CRYGN: variants seen among roughly 807,000 people sequenced by gnomAD.
CRYGN encodes the protein gamma-crystallin N.
Under a neutral mutation model 19.2 loss-of-function variants are expected in CRYGN, and 17 were observed. That is an observed-to-expected ratio of 0.89 (90% CI 0.61 to 1.33). The LOEUF (loss-of-function observed/expected upper bound fraction) is 1.33, where lower values mean the gene tolerates loss of function less well. CRYGN is among the 40% of genes most tolerant of loss of function. CRYGN has a pLI of 0.00. For synonymous variants in CRYGN, 84 were observed against 85.8 expected (o/e 0.98, Z 0.12); for missense variants, 239 against 239.6 (o/e 1.00, Z 0.02).
At chr7:151,437,916 T>C (rs1196593845) in intron 2 of CRYGN, 80 bp downstream of exon 2, 6 of 1,599,748 alleles carry the variant, frequency 3.8e-6, no homozygotes, top group Non-Finnish European at 4.2e-6. Context: ...CGCTCCCCGA[T>C]TCCTTGCCAC....
rs1344452527 is a variant in CRYGN, at chr7:151,430,794, G to A, written c.417-614C>T. ...AGAAAACTGGAGTAAGATGTATGGT[G>A]AGGAGGACCCGGGAACTGAGAGGCC... On this transcript the variant is annotated intron_variant, in intron 3 of 3. Transcript: ENST00000337323. The surrounding 1 kb of genome is among the most constrained non-coding windows in gnomAD (Gnocchi z 5.2). Among the ~76,000 whole-genome samples, 1 of 152,226 alleles carries A rather than the reference G, an allele frequency of 6.6e-6. No homozygotes were observed. Among genetic ancestry groups the A allele is most frequent in the Non-Finnish European group, 1.5e-5 (1 of 68,042 alleles).
rs1222861280 is a variant in CRYGN, at chr7:151,433,259, G to A, written c.416+2921C>T. On this transcript the variant is annotated intron_variant, in intron 3 of 3. Coordinates refer to ENST00000337323, the MANE Select transcript of CRYGN (RefSeq NM_144727.3). This position sits in a 1 kb window ranked among gnomAD's most constrained non-coding sequence, Gnocchi z 5.1. The stretch of plus-strand genomic sequence containing the variant: ...AGCTCTTCATCACCCAGGAAGCTGT[G>A]GGCCCGGCCCAGAAAAGCAGGAAGG... 2.0e-5 allele frequency among the ~76,000 whole-genome samples: 3 copies of A among 152,230 alleles called. No homozygotes were observed. The highest frequency in any genetic ancestry group is 4.8e-5 in the African/African-American group (2 of 41,460).
intron 3 of CRYGN, among the ~76,000 whole-genome samples, chr7:151,432,541 C>T (rs1475033518): frequency 2.6e-5 from 4 of 152,188 alleles, no homozygotes; most frequent in East Asian, 3.9e-4. Context: ...TGGGGGCTCA[C>T]GCCTGTAATC....
At chr7:151,432,388 G>T (rs966868227) in intron 3 of CRYGN, 1 of 582,440 alleles carries the variant, frequency 1.7e-6, no homozygotes, top group Non-Finnish European at 2.5e-6. Flanking sequence ...CCTCCCGGTC[G>T]AGCGGCCCCT....
intron 1 of CRYGN, among the ~76,000 whole-genome samples, chr7:151,439,609 C>T (rs563743027): frequency 3.4e-4 from 52 of 152,234 alleles, no homozygotes; most frequent in African/African-American, 1.2e-3. Flanking sequence ...CAAGCCAAGC[C>T]TCCCCCACCC....
intron 1 of CRYGN, among the ~76,000 whole-genome samples, chr7:151,439,610 T>C (rs1293805247): frequency 6.6e-6 from 1 of 151,604 alleles, no homozygotes; most frequent in Non-Finnish European, 1.5e-5. Flanking sequence ...AAGCCAAGCC[T>C]CCCCCACCCC....
At chr7:151,434,493 C>T (rs923194509) in intron 3 of CRYGN, among the ~76,000 whole-genome samples, 1 of 152,178 alleles carries the variant, frequency 6.6e-6, no homozygotes, top group Non-Finnish European at 1.5e-5. Context: ...AAAACGGAAT[C>T]CTGGAGCCAG....
chr7:151,438,095 G>C lies in CRYGN; in HGVS notation c.171C>G (p.Phe57Leu), dbSNP rs267601423. 22 of 1,614,182 alleles carry C rather than the reference G, an allele frequency of 1.4e-5. No homozygotes were observed. In the South Asian group the frequency reaches 2.4e-4, roughly 18 times the overall value. ...GAWVCFNHPD[F>L]RGQQFILEHG... ...GCTCCAAGATGAACTGCTGGCCCCG[G>C]AAGTCGGGGTGATTGAAGCAGACCC... The change falls in exon 2 of 4, where the codon TTC (phenylalanine) becomes TTG (leucine). Residue 57 changes from phenylalanine (F) to leucine (L), a missense_variant. By Grantham distance (22) the Phe-to-Leu change is conservative (BLOSUM62 0). Coordinates refer to ENST00000337323, the MANE Select transcript of CRYGN (RefSeq NM_144727.3).
Position 151,433,537 on chromosome 7 carries a change from C to G in CRYGN, c.416+2643G>C. On this transcript the variant is annotated intron_variant, in intron 3 of 3. Coordinates refer to ENST00000337323, the MANE Select transcript of CRYGN (RefSeq NM_144727.3). The surrounding 1 kb of genome is among the most constrained non-coding windows in gnomAD (Gnocchi z 5.1). Reference sequence around the variant, plus strand: ...AGAGAGGCAGAGGGTGTGAGCCAGCCTGGAGCACCTGCTGGGGGACTCAGG... The same window carrying G: ...AGAGAGGCAGAGGGTGTGAGCCAGCGTGGAGCACCTGCTGGGGGACTCAGG... The G allele has an allele frequency of 6.4e-6, 1 of 155,266 alleles. No homozygotes were observed. The highest frequency in any genetic ancestry group is 5.2e-4 in the Middle Eastern group (1 of 1,932). The allele number at this position is 155,266 out of a possible 1,614,324, so 9.6% of individuals were successfully genotyped here.
chr7:151,438,297 T>C (rs542378112), intron 1 of CRYGN, 53 bp from the exon 2 acceptor site: 6 of 1,548,980 alleles, frequency 3.9e-6, no homozygotes, highest in African/African-American at 1.4e-5. Context: ...TCCGTCAGCG[T>C]TGGAGGCTGG....
chr7:151,434,605 C>G (rs73476455), intron 3 of CRYGN, among the ~76,000 whole-genome samples: 2,920 of 152,280 alleles, frequency 0.019, 69 homozygotes, highest in East Asian at 0.056. Context: ...GTTCCAGGAC[C>G]TCCCTTGGAT....
chr7:151,438,216 G>A lies in CRYGN; in HGVS notation c.50C>T (p.Thr17Ile). Residue 17 changes from threonine (T) to isoleucine (I), a missense_variant, in exon 2 of 4, where the codon ACA (threonine) becomes ATA (isoleucine). Physicochemically the swap from Thr to Ile is moderately conservative, Grantham distance 89. Transcript: ENST00000337323. ...KITLYEGKHF[T>I]GQKLEVFGDC... ...CCCGAAGACCTCCAGCTTCTGCCCTGTGAAGTGCTTGCCTTCATAGAGAGT... is the reference window on the plus strand; with the variant it reads ...CCCGAAGACCTCCAGCTTCTGCCCTATGAAGTGCTTGCCTTCATAGAGAGT... 6.2e-7 allele frequency: 1 copy of A among 1,613,418 alleles called. No homozygotes were observed. Among genetic ancestry groups the A allele is most frequent in the South Asian group, 1.1e-5 (1 of 91,076 alleles).
chr7:151,432,222 G>A (rs1028535592), intron 3 of CRYGN: 1 of 1,232,194 alleles, frequency 8.1e-7, no homozygotes, highest in African/African-American at 1.5e-5. Context: ...AGAAGCTGCG[G>A]AAGTCGCCAC....
chr7:151,430,625 G>A lies in CRYGN; in HGVS notation c.417-445C>T, dbSNP rs1025280457. ...GTGTTCCCTCGCTGAGCTCCCTGCC[G>A]TACTCCATCACCCCCTAGGCCTGTC... On this transcript the variant is annotated intron_variant, in intron 3 of 3. Coordinates refer to ENST00000337323, the MANE Select transcript of CRYGN (RefSeq NM_144727.3). The surrounding 1 kb of genome is among the most constrained non-coding windows in gnomAD (Gnocchi z 5.2). Among the ~76,000 whole-genome samples the A allele has an allele frequency of 7.2e-5, 11 of 152,114 alleles. No individual in the cohort carries two copies. Among genetic ancestry groups the A allele is most frequent in the African/African-American group, 1.2e-4 (5 of 41,406 alleles).
At chr7:151,438,575 AT>A (rs1278236648) in intron 1 of CRYGN, among the ~76,000 whole-genome samples, 1 of 152,182 alleles carries the variant, frequency 6.6e-6, no homozygotes, top group Non-Finnish European at 1.5e-5. Context: ...CTTCCACTGC[AT>A]TTTTAACTCA....
rs1801413203 is a variant in CRYGN at position 151,429,228 on chromosome 7, G to A, written c.*820C>T. On this transcript the variant is annotated 3_prime_UTR_variant, in exon 4 of 4. Coordinates refer to ENST00000337323, the MANE Select transcript of CRYGN (RefSeq NM_144727.3). ...TTCTCCAATGTCACATCCTAGTGAG[G>A]GATGGAGTGGGAATCAGGTTGGAGT... is the stretch of plus-strand genomic sequence containing the variant. The A allele has an allele frequency of 6.6e-6, 1 of 152,248 alleles. No homozygotes were observed. 9.4% of individuals were successfully genotyped at this position (152,248 alleles called of 1,614,324 possible). A position where few individuals can be genotyped will look rare whatever the true frequency, so the allele number is the denominator to read the frequency against.
At position 151,435,337 on chromosome 7, in the gene CRYGN, C is replaced by T. The variant is rs1801575522; in HGVS notation, c.416+843G>A. 6.6e-6 allele frequency among the ~76,000 whole-genome samples: 1 copy of T among 152,226 alleles called. No individual in the cohort carries two copies. The highest frequency in any genetic ancestry group is 2.4e-5 in the African/African-American group (1 of 41,444). On this transcript the variant is annotated intron_variant, in intron 3 of 3. Coordinates refer to ENST00000337323, the MANE Select transcript of CRYGN (RefSeq NM_144727.3). This position sits in a 1 kb window ranked among gnomAD's most constrained non-coding sequence, Gnocchi z 4.2. ...CTTGGCTGCAGTCTCAGCTGTGCCA[C>T]TCCCACGGGGCGGCCGGGCAGTCAG...
At chr7:151,432,150 C>T in intron 3 of CRYGN, 1 of 1,224,080 alleles carries the variant, frequency 8.2e-7, no homozygotes, top group Non-Finnish European at 1.0e-6. Flanking sequence ...GAGGGCTCGG[C>T]TGGAAGAAGT....
chr7:151,434,853 A>G (rs1007005111), intron 3 of CRYGN, among the ~76,000 whole-genome samples: 2 of 152,228 alleles, frequency 1.3e-5, no homozygotes, highest in Non-Finnish European at 2.9e-5. Flanking sequence ...TGTTTCACTT[A>G]AAGTCACAGT....
Sources: allele counts gnomAD v4.1 joint callset (sites outside exome capture counted in the v4.1 genomes callset), GRCh38; gene constraint gnomAD v4.1.1; non-coding constraint Gnocchi (gnomAD v3.1); transcripts MANE v1.5; gene names NCBI Gene and HGNC (gene_info 2026-07-23, HGNC 2026-07-21).